MAP2K5: variants seen among roughly 807,000 people sequenced by gnomAD.
MAP2K5 encodes the protein mitogen-activated protein kinase kinase 5.
Under a neutral mutation model 83.1 loss-of-function variants are expected in MAP2K5, and 49 were observed. The observed-to-expected ratio is 0.59, with a 90% CI of 0.47 to 0.75. The LOEUF (loss-of-function observed/expected upper bound fraction) is 0.75. MAP2K5 is among the 30% of genes least tolerant of loss of function. The pLI, the probability that MAP2K5 is intolerant of heterozygous loss-of-function variation, is 0.00. For synonymous variants in MAP2K5, 202 were observed against 191.8 expected (o/e 1.05, Z -0.44); for missense variants, 457 against 557.5 (o/e 0.82, Z 1.82).
At chr15:67,772,686 G>GT (rs989939309) in intron 20 of MAP2K5, 21 bp from the exon 21 acceptor site, 106 of 1,534,780 alleles carry the variant, frequency 6.9e-5, no homozygotes, top group Non-Finnish European at 8.8e-5. Flanking sequence ...AACATAAGGG[G>GT]TTTTTTTCTC....
chr15:67,685,298 C>T (rs574085873), intron 13 of MAP2K5, among the ~76,000 whole-genome samples: 5 of 152,268 alleles, frequency 3.3e-5, no homozygotes, highest in Admixed American at 3.3e-4. Flanking sequence ...AATGGAAAGA[C>T]GTCTTTAAAA....
At position 67,683,034 on chromosome 15, in the gene MAP2K5, G is replaced by A. The variant is rs187024279; in HGVS notation, c.848-9445G>A. Among the ~76,000 whole-genome samples, 591 of 152,014 alleles carry A rather than the reference G, an allele frequency of 3.9e-3. 9 individuals carry two copies. Among genetic ancestry groups the A allele is most frequent in the African/African-American group, 0.013 (556 of 41,454 alleles). On this transcript the variant is annotated intron_variant, in intron 13 of 21. Coordinates refer to ENST00000178640, the MANE Select transcript of MAP2K5 (RefSeq NM_145160.3). ...CAGTCTCCTGTAATCTCAGAGACTC[G>A]GGAGGCTGAGGAAGGAGAATCGCTT...
intron 8 of MAP2K5, among the ~76,000 whole-genome samples, chr15:67,624,271 G>A (rs576580573): frequency 4.7e-5 from 7 of 149,582 alleles, no homozygotes; most frequent in South Asian, 4.2e-4. Flanking sequence ...CCCGGGAAGC[G>A]GAGCTGGCAG....
At chr15:67,739,124 T>G (rs540728040) in intron 17 of MAP2K5, among the ~76,000 whole-genome samples, 3 of 151,048 alleles carry the variant, frequency 2.0e-5, no homozygotes, top group African/African-American at 7.3e-5. Flanking sequence ...TACAAAAAAT[T>G]TAAAAACCAG....
At chr15:67,683,856 A>C (rs1439054293) in intron 13 of MAP2K5, among the ~76,000 whole-genome samples, 1 of 152,240 alleles carries the variant, frequency 6.6e-6, no homozygotes, top group Non-Finnish European at 1.5e-5. Context: ...ATAATTAGGA[A>C]ACTGGACAAA....
chr15:67,654,544 A>C (rs1449601765), intron 11 of MAP2K5, among the ~76,000 whole-genome samples: 2 of 152,250 alleles, frequency 1.3e-5, no homozygotes, highest in African/African-American at 2.4e-5. Context: ...ACAAGGTGAG[A>C]TGTATCTATC....
intron 15 of MAP2K5, among the ~76,000 whole-genome samples, chr15:67,697,760 T>G (rs993508573): frequency 6.6e-6 from 1 of 152,054 alleles, no homozygotes; most frequent in Non-Finnish European, 1.5e-5. Context: ...TACTCAAATA[T>G]GAAAAAGAAA....
Position 67,637,672 on chromosome 15 carries a change from C to G in MAP2K5, c.585+6745C>G, listed in dbSNP as rs576655692. Among the ~76,000 whole-genome samples the G allele has an allele frequency of 1.3e-3, 193 of 152,270 alleles. No individual in the cohort carries two copies. Among genetic ancestry groups the G allele is most frequent in the African/African-American group, 4.6e-3 (190 of 41,552 alleles). The stretch of plus-strand genomic sequence containing the variant: ...ACCTCTGGAGCTCTCTCCCTCAGGT[C>G]CTCTGCCAGCTCTCTGCCCTCTGCT... On this transcript the variant is annotated intron_variant, in intron 9 of 21. Transcript: ENST00000178640. This position sits in a 1 kb window ranked among gnomAD's most constrained non-coding sequence, Gnocchi z 4.5.
In MAP2K5 at chr15:67,777,920, C is replaced by T. The variant is rs935819387; in HGVS notation, c.1242+5168C>T. Among the ~76,000 whole-genome samples, 42 of 152,178 alleles carry T rather than the reference C, an allele frequency of 2.8e-4. No individual in the cohort carries two copies. Among genetic ancestry groups the T allele is most frequent in the African/African-American group, 9.4e-4 (39 of 41,426 alleles). ...TTTGCAATTGAAATTTGACATTTTG[C>T]TTAGACAGCAAGTAAATAGTGGCAT... On this transcript the variant is annotated intron_variant, in intron 21 of 21. Coordinates refer to ENST00000178640, the MANE Select transcript of MAP2K5 (RefSeq NM_145160.3). The surrounding 1 kb of genome is among the most constrained non-coding windows in gnomAD (Gnocchi z 6.0).
In MAP2K5 at chr15:67,724,387, TTTTA is replaced by T. The variant is rs575335189; in HGVS notation, c.1045-3509_1045-3506del. ...ACAGCCTCGTGGAGAACTCGTTCTT[TTTTA>T]TTTATTTATTTATTTATTTTTTGAG... On this transcript the variant is annotated intron_variant, in intron 16 of 21. Transcript: ENST00000178640. This position sits in a 1 kb window ranked among gnomAD's most constrained non-coding sequence, Gnocchi z 4.4. Among the ~76,000 whole-genome samples, 1 of 151,924 alleles carries T rather than the reference TTTTA, an allele frequency of 6.6e-6. No homozygotes were observed. The highest frequency in any genetic ancestry group is 6.6e-5 in the Admixed American group (1 of 15,244).
At position 67,748,179 on chromosome 15, in the gene MAP2K5, CAAGT is replaced by C; in HGVS notation, c.1075-51_1075-48del. The C allele has an allele frequency of 7.4e-7, 1 of 1,348,602 alleles. No homozygotes were observed. The highest frequency in any genetic ancestry group is 1.2e-5 in the South Asian group (1 of 82,718). The allele number at this position is 1,348,602 out of a possible 1,614,324, so 83.5% of individuals were successfully genotyped here. A position where few individuals can be genotyped will look rare whatever the true frequency, so the allele number is the denominator to read the frequency against. ...TTTCTCTCAGTGATCATAATGTGTC[CAAGT>C]GAGTCATTTTGATTATGACATGCTA... On this transcript the variant is annotated intron_variant, in intron 17 of 21. Coordinates refer to ENST00000178640, the MANE Select transcript of MAP2K5 (RefSeq NM_145160.3). The surrounding 1 kb of genome is among the most constrained non-coding windows in gnomAD (Gnocchi z 4.0).
At chr15:67,743,418 G>A (rs2089536736) in intron 17 of MAP2K5, among the ~76,000 whole-genome samples, 1 of 152,160 alleles carries the variant, frequency 6.6e-6, no homozygotes, top group East Asian at 1.9e-4. Context: ...TGAATTATAC[G>A]TGTTCACCTG....
chr15:67,636,990 C>T lies in MAP2K5; in HGVS notation c.585+6063C>T, dbSNP rs55986190. 0.32 allele frequency among the ~76,000 whole-genome samples: 48,140 copies of T among 152,014 alleles called. 8,654 individuals carry two copies. Among genetic ancestry groups the T allele is most frequent in the Non-Finnish European group, 0.41 (28,141 of 67,952 alleles). On this transcript the variant is annotated intron_variant, in intron 9 of 21. Transcript: ENST00000178640. The surrounding 1 kb of genome is among the most constrained non-coding windows in gnomAD (Gnocchi z 4.7). ...AAGGACTTGACTTGCTGAGTCTTCCCGCCTTCATCTTTCTTCCATGCTGGA... is the reference window on the plus strand; with the variant it reads ...AAGGACTTGACTTGCTGAGTCTTCCTGCCTTCATCTTTCTTCCATGCTGGA...
intron 11 of MAP2K5, among the ~76,000 whole-genome samples, chr15:67,651,959 G>A (rs1201960954): frequency 6.6e-6 from 1 of 152,136 alleles, no homozygotes; most frequent in South Asian, 2.1e-4. Flanking sequence ...CATGGTAGCT[G>A]TACTAGTTTA....
intron 13 of MAP2K5, chr15:67,670,322 G>A (rs1184023166): frequency 2.3e-6 from 1 of 443,354 alleles, no homozygotes; most frequent in Non-Finnish European, 4.5e-6. Flanking sequence ...CAGTGGAGGA[G>A]GAGTTGACTG....
chr15:67,550,453 G>A (rs2084485189), intron 2 of MAP2K5, among the ~76,000 whole-genome samples: 1 of 152,188 alleles, frequency 6.6e-6, no homozygotes, highest in Non-Finnish European at 1.5e-5. Flanking sequence ...TAGCAACAAA[G>A]TAGAGCTTTT....
intron 8 of MAP2K5, among the ~76,000 whole-genome samples, chr15:67,616,073 A>G (rs575410454): frequency 2.0e-4 from 30 of 152,272 alleles, no homozygotes; most frequent in Middle Eastern, 6.8e-3. Context: ...CTTTGTGCCA[A>G]TGCTATAAAG....
chr15:67,707,335 G>A (rs1255210633), intron 16 of MAP2K5, among the ~76,000 whole-genome samples: 1 of 152,192 alleles, frequency 6.6e-6, no homozygotes, highest in African/African-American at 2.4e-5. Flanking sequence ...TAGTATGTTA[G>A]GAATAGATGT....
Position 67,637,600 on chromosome 15 carries a change from A to G in MAP2K5, c.585+6673A>G, listed in dbSNP as rs1261342632. ...TCAGGTGATCTCCTGACATCTATGTACAGATCATTCATTACTCAGCTGAAG... is the reference window on the plus strand; with the variant it reads ...TCAGGTGATCTCCTGACATCTATGTGCAGATCATTCATTACTCAGCTGAAG... On this transcript the variant is annotated intron_variant, in intron 9 of 21. Transcript: ENST00000178640. The surrounding 1 kb of genome is among the most constrained non-coding windows in gnomAD (Gnocchi z 4.5). Among the ~76,000 whole-genome samples, 2 of 152,072 alleles carry G rather than the reference A, an allele frequency of 1.3e-5. No homozygotes were observed. The highest frequency in any genetic ancestry group is 2.9e-5 in the Non-Finnish European group (2 of 68,028).
Sources: gnomAD v4.1 joint callset for allele counts (sites outside exome capture counted in the v4.1 genomes callset) on GRCh38, gnomAD v4.1.1 for gene constraint, Gnocchi (gnomAD v3.1) non-coding constraint, MANE v1.5 for transcripts, NCBI Gene and HGNC (gene_info 2026-07-23, HGNC 2026-07-21) for gene names.